Variants in TET2 observed in about 807,000 individuals in gnomAD.
The protein encoded by TET2 is tet methylcytosine dioxygenase 2, also known as methylcytosine dioxygenase TET2.
In TET2, 299 loss-of-function variants were observed where a neutral mutation model predicts 142.9. That is an observed-to-expected ratio of 2.09 (90% CI 1.90 to 2.30). The LOEUF (loss-of-function observed/expected upper bound fraction) is 2.30. Ranked by LOEUF, TET2 falls within the 30% of genes most tolerant of loss-of-function variation. TET2 has a pLI of 0.00. For synonymous variants in TET2, 819 were observed against 849.0 expected (o/e 0.96, Z 0.61); for missense variants, 2,418 against 2,378.0 (o/e 1.02, Z -0.35).
At chr4:105,259,934 G>A (rs1730340806) in intron 7 of TET2, among the ~76,000 whole-genome samples, 165 bp downstream of exon 7, 1 of 152,012 alleles carries the variant, frequency 6.6e-6, no homozygotes, top group South Asian at 2.1e-4. Context: ...ATCATATTAT[G>A]CCAAAATAAT....
At chr4:105,224,645 C>G (rs1057101432) in intron 2 of TET2, among the ~76,000 whole-genome samples, 1 of 147,632 alleles carries the variant, frequency 6.8e-6, no homozygotes. Context: ...ATGCCTCTGA[C>G]ATAGAAGATA....
intron 2 of TET2, among the ~76,000 whole-genome samples, chr4:105,208,211 T>C (rs188816006): frequency 6.6e-6 from 1 of 152,292 alleles, no homozygotes; most frequent in East Asian, 1.9e-4. Flanking sequence ...TTCTCATGTT[T>C]TTAAGGCTCT....
Position 105,237,289 on chromosome 4 carries a change from T to C in TET2, c.3347T>C (p.Ile1116Thr). Residue 1116 changes from isoleucine to threonine, a missense_variant, in exon 3 of 11, where the codon ATA (isoleucine) becomes ACA (threonine). Physicochemically the swap from Ile to Thr is moderately conservative, Grantham distance 89. Transcript: ENST00000380013. ...CCTTCCAAATTACTAGATACTCCTA[T>C]AAAAAATTTATTGGATACACCTGTC... ...ESPSKLLDTPIKNLLDTPVKT... is the reference protein window; with the variant it reads ...ESPSKLLDTPTKNLLDTPVKT... The C allele has an allele frequency of 1.8e-5, 29 of 1,614,160 alleles. No individual in the cohort carries two copies. The highest frequency in any genetic ancestry group is 2.5e-5 in the Non-Finnish European group (29 of 1,179,982).
At chr4:105,201,014 A>G (rs1652648899) in intron 2 of TET2, among the ~76,000 whole-genome samples, 1 of 152,136 alleles carries the variant, frequency 6.6e-6, no homozygotes, top group Non-Finnish European at 1.5e-5. Context: ...TGGAGTGCTT[A>G]TGTCTTGTTT....
chr4:105,223,516 C>G (rs1221965233), intron 2 of TET2, among the ~76,000 whole-genome samples: 3 of 152,018 alleles, frequency 2.0e-5, no homozygotes, highest in Non-Finnish European at 4.4e-5. Context: ...ATGGAGAGAA[C>G]TTAATAGATA....
rs1731228628 is a variant in TET2, at chr4:105,276,451, G to C, written c.5941G>C (p.Asp1981His). 1.3e-6 allele frequency: 2 copies of C among 1,551,820 alleles called. No homozygotes were observed. The highest frequency in any genetic ancestry group is 1.7e-6 in the Non-Finnish European group (2 of 1,147,012). ...LAERTMSVTTDSTVTTSPYAF... is the reference protein window; with the variant it reads ...LAERTMSVTTHSTVTTSPYAF... ...CGAAAGGACCATGTCCGTGACCACA[G>C]ACTCCACAGTAACTACATCTCCATA... Residue 1981 changes from aspartate to histidine, a missense_variant, in exon 11 of 11, where the codon GAC becomes CAC. Asp to His is a moderately conservative substitution (Grantham distance 81, BLOSUM62 -1). Coordinates refer to ENST00000380013, the MANE Select transcript of TET2 (RefSeq NM_001127208.3).
At chr4:105,184,628 CAGG>C (rs1420927557) in intron 1 of TET2, among the ~76,000 whole-genome samples, 2 of 152,134 alleles carry the variant, frequency 1.3e-5, no homozygotes, top group African/African-American at 2.4e-5. Flanking sequence ...AAAGCATTAA[CAGG>C]AGAATAGCCA....
In TET2 at chr4:105,210,755, C is replaced by T. The variant is rs545885577; in HGVS notation, c.-47+20250C>T. ...CCATTACCAAGTTGTTCTGTTTCTG[C>T]CTTCAAAATGTGTCCTAAATTTATC... On this transcript the variant is annotated intron_variant, in intron 2 of 10. Coordinates refer to ENST00000380013, the MANE Select transcript of TET2 (RefSeq NM_001127208.3). Among the ~76,000 whole-genome samples, 5 of 152,258 alleles carry T rather than the reference C, an allele frequency of 3.3e-5. No individual in the cohort carries two copies. The South Asian group carries it at 1.0e-3, about 32-fold the overall frequency.
intron 2 of TET2, among the ~76,000 whole-genome samples, chr4:105,204,213 ACC>A (rs1726659975): frequency 7.5e-6 from 1 of 133,114 alleles, no homozygotes; most frequent in Non-Finnish European, 1.6e-5. Context: ...ACAAAAACAA[ACC>A]AAAAAAAAAA....
intron 8 of TET2, among the ~76,000 whole-genome samples, chr4:105,268,695 G>A (rs1166437621): frequency 6.6e-6 from 1 of 152,228 alleles, no homozygotes; most frequent in Non-Finnish European, 1.5e-5. Flanking sequence ...TATTGCCCAG[G>A]CGCAGTGGCT....
At chr4:105,204,232 T>TACACACACACACACACACAC (rs762266771) in intron 2 of TET2, among the ~76,000 whole-genome samples, 1 of 107,708 alleles carries the variant, frequency 9.3e-6, no homozygotes, top group African/African-American at 3.9e-5. Context: ...AAAAAAAATA[T>TACACACACACACACACACAC]ATACACACAC....
At chr4:105,273,950 G>T (rs1249751062) in intron 10 of TET2, among the ~76,000 whole-genome samples, 2 of 152,110 alleles carry the variant, frequency 1.3e-5, no homozygotes, top group Non-Finnish European at 2.9e-5. Flanking sequence ...TATTGGCCTG[G>T]CCATTAACAA....
chr4:105,227,906 G>A (rs556023983), intron 2 of TET2, among the ~76,000 whole-genome samples: 11 of 151,804 alleles, frequency 7.2e-5, no homozygotes, highest in Admixed American at 3.9e-4. Flanking sequence ...TTTATCTTAC[G>A]CAAAAATTAT....
At position 105,236,816 on chromosome 4, in the gene TET2, GA is replaced by G. The variant is rs1560547035; in HGVS notation, c.2876del (p.Lys959SerfsTer48). On this transcript the variant is annotated frameshift_variant, in exon 3 of 11. Coordinates refer to ENST00000380013, the MANE Select transcript of TET2 (RefSeq NM_001127208.3). LOFTEE classifies it high-confidence loss of function. ...CTGCTCTAAGGTGGCATCTCTTACAGAAGCAAGAACAGCAGCAAACACAGCA... is the reference window on the plus strand; with the variant it reads ...CTGCTCTAAGGTGGCATCTCTTACAGAGCAAGAACAGCAGCAAACACAGCA... ...HAALRWHLLQKQEQQQTQQPQ... is the reference protein window; with the variant it reads ...HAALRWHLLQXQEQQQTQQPQ... 1 of 1,614,116 alleles carries G rather than the reference GA, an allele frequency of 6.2e-7. No individual in the cohort carries two copies.
rs1729375887 is a variant in TET2, at chr4:105,242,823, G to A, written c.3501-11G>A. ...ATTGTATGTGTGTGTGTTTCTGTGG[G>A]TTTCTTTAAGGTTTGGACAGAAGGG... On this transcript the variant is annotated splice_polypyrimidine_tract_variant and intron_variant, in intron 4 of 10. Transcript: ENST00000380013. The A allele has an allele frequency of 6.5e-7, 1 of 1,547,582 alleles. No homozygotes were observed. The highest frequency in any genetic ancestry group is 1.4e-5 in the African/African-American group (1 of 72,768).
intron 1 of TET2, among the ~76,000 whole-genome samples, chr4:105,175,717 G>C (rs749807290): frequency 2.6e-5 from 4 of 151,894 alleles, no homozygotes; most frequent in Non-Finnish European, 4.4e-5. Context: ...CTTCTCCAGA[G>C]AGCTCAAAGA....
chr4:105,149,203 T>C (rs773900365), intron 1 of TET2, among the ~76,000 whole-genome samples: 19 of 152,190 alleles, frequency 1.2e-4, no homozygotes, highest in Non-Finnish European at 1.9e-4. Context: ...TTTTCAAATG[T>C]TGTGGTATAT....
chr4:105,201,128 G>A (rs1726437346), intron 2 of TET2, among the ~76,000 whole-genome samples: 1 of 152,130 alleles, frequency 6.6e-6, no homozygotes, highest in African/African-American at 2.4e-5. Context: ...ACCCCTTGAG[G>A]ACTGAGAATT....
chr4:105,266,063 G>A (rs1730667321), intron 8 of TET2, among the ~76,000 whole-genome samples: 1 of 152,146 alleles, frequency 6.6e-6, no homozygotes, highest in African/African-American at 2.4e-5. Context: ...GTCTTCAGCT[G>A]AGTATTAAAC....
Sources: gnomAD v4.1 joint callset for allele counts (sites outside exome capture counted in the v4.1 genomes callset) on GRCh38, gnomAD v4.1.1 for gene constraint, MANE v1.5 for transcripts, NCBI Gene and HGNC (gene_info 2026-07-23, HGNC 2026-07-21) for gene names.